The following SARS1 variants were observed in gnomAD, a reference collection of about 807,000 sequenced individuals.
The protein encoded by SARS1 is serine--tRNA ligase, cytoplasmic.
SARS1 carries 25 observed loss-of-function variants against 63.7 expected under a neutral mutation model. The observed-to-expected ratio is 0.39, with a 90% CI of 0.29 to 0.55. The LOEUF is 0.55. SARS1 is among the 20% of genes least tolerant of loss of function. SARS1 has a pLI of 0.62. For synonymous variants in SARS1, 231 were observed against 243.5 expected (o/e 0.95, Z 0.48); for missense variants, 417 against 649.7 (o/e 0.64, Z 3.89).
intron 6 of SARS1, among the ~76,000 whole-genome samples, chr1:109,233,862 A>ATCTTTT (rs1655256054): frequency 1.5e-5 from 1 of 65,968 alleles, no homozygotes; most frequent in Non-Finnish European, 2.7e-5. Flanking sequence ...CACCTGGCTA[A>ATCTTTT]TTTTTTTTTT....
intron 1 of SARS1, chr1:109,216,471 C>T: frequency 1.0e-6 from 1 of 985,258 alleles, no homozygotes; most frequent in Non-Finnish European, 1.2e-6. Context: ...CGTAATGATC[C>T]TACACTTGGG....
chr1:109,218,406 C>CTTT (rs34756917), intron 1 of SARS1, among the ~76,000 whole-genome samples: 6 of 118,660 alleles, frequency 5.1e-5, no homozygotes, highest in South Asian at 5.4e-4. Flanking sequence ...AGATATTTTA[C>CTTT]TTTTTTTTTT....
intron 1 of SARS1, chr1:109,216,227 C>G: frequency 1.0e-6 from 1 of 985,360 alleles, no homozygotes; most frequent in Non-Finnish European, 1.2e-6. Flanking sequence ...ATAACCAGAG[C>G]CACATTAAGA....
chr1:109,226,869 G>A (rs1386379825), intron 2 of SARS1, among the ~76,000 whole-genome samples: 3 of 150,718 alleles, frequency 2.0e-5, no homozygotes, highest in African/African-American at 7.3e-5. Flanking sequence ...ACAGTTGCAA[G>A]CCACTGTACC....
rs376681816 is a variant in SARS1, at chr1:109,236,739, A to G, written c.1257+191A>G. 28 of 1,535,506 alleles carry G rather than the reference A, an allele frequency of 1.8e-5. No individual in the cohort carries two copies. The East Asian group carries it at 3.8e-4, about 21-fold the overall frequency. ...TGAGTTCTTTTAGCTAGAAACCTGA[A>G]TCTAGCTCTCTTCTATAAGGTAATT... On this transcript the variant is annotated intron_variant, in intron 9 of 10. Coordinates refer to ENST00000234677, the MANE Select transcript of SARS1 (RefSeq NM_006513.4).
At chr1:109,229,383 C>G in intron 3 of SARS1, 31 bp from the exon 4 acceptor site, 1 of 1,608,942 alleles carries the variant, frequency 6.2e-7, no homozygotes, top group Non-Finnish European at 8.5e-7. Context: ...CCTCACTGTC[C>G]TGCTTATGGG....
intron 4 of SARS1, among the ~76,000 whole-genome samples, chr1:109,229,977 T>A (rs1655173789): frequency 6.6e-6 from 1 of 152,218 alleles, no homozygotes; most frequent in Non-Finnish European, 1.5e-5. Context: ...AAAGCTGCTC[T>A]GAGCCCAGCC....
rs142272817 is a variant in SARS1 at position 109,219,262 on chromosome 1, CAT to C, written c.137-4690_137-4689del. On this transcript the variant is annotated intron_variant, in intron 1 of 10. Transcript: ENST00000234677. ...GCCTGGGCGATAGAGCAAGACTCTCCATATATATATATATATATATATATATA... is the reference window on the plus strand; with the variant it reads ...GCCTGGGCGATAGAGCAAGACTCTCCATATATATATATATATATATATATA... 1.2e-3 allele frequency among the ~76,000 whole-genome samples: 90 copies of C among 76,946 alleles called. 3 individuals carry two copies. The highest frequency in any genetic ancestry group is 1.9e-3 in the Non-Finnish European group (67 of 35,722). 50.5% of individuals were successfully genotyped at this position (76,946 alleles called of 152,430 possible). A position where few individuals can be genotyped will look rare whatever the true frequency, so the allele number is the denominator to read the frequency against.
At position 109,217,537 on chromosome 1, in the gene SARS1, T is replaced by TTA. The variant is rs536360432; in HGVS notation, c.136+3420_136+3421dup. On this transcript the variant is annotated intron_variant, in intron 1 of 10. Transcript: ENST00000234677. ...TAACCTAGTCTTGTATACCCAAAAG[T>TTA]TATATATATATAAATATATATATAA... Among the ~76,000 whole-genome samples the TTA allele has an allele frequency of 1.4e-3, 206 of 149,080 alleles. 1 individual carries two copies. Among genetic ancestry groups the TTA allele is most frequent in the South Asian group, 5.0e-3 (24 of 4,762 alleles).
chr1:109,230,139 G>T (rs1258249224), intron 4 of SARS1, among the ~76,000 whole-genome samples: 3 of 151,776 alleles, frequency 2.0e-5, no homozygotes, highest in Admixed American at 6.6e-5. Flanking sequence ...CCCTGAGTCC[G>T]CCCTCATGTG....
chr1:109,235,379 G>C lies in SARS1; in HGVS notation c.917G>C (p.Gly306Ala), dbSNP rs1655287693. 6.2e-7 allele frequency: 1 copy of C among 1,613,852 alleles called. No individual in the cohort carries two copies. Among genetic ancestry groups the C allele is most frequent in the Admixed American group, 1.7e-5 (1 of 60,004 alleles). The change falls in exon 7 of 11, where the codon GGC (glycine) becomes GCC (alanine). Residue 306 changes from glycine to alanine, a missense_variant. Physicochemically the swap from Gly to Ala is moderately conservative, Grantham distance 60 (BLOSUM62 0). Coordinates refer to ENST00000234677, the MANE Select transcript of SARS1 (RefSeq NM_006513.4). This position sits in a 1 kb window ranked among gnomAD's most constrained non-coding sequence, Gnocchi z 4.7. ...TCTACCTGCTTCCGTCAGGAGGTGG[G>C]CTCCCATGGCCGTGACACCCGTGGC... ...GLSTCFRQEV[G>A]SHGRDTRGIF...
rs1010792291 is a variant in SARS1 at position 109,214,586 on chromosome 1, A to G, written c.136+458A>G. On this transcript the variant is annotated intron_variant, in intron 1 of 10. Transcript: ENST00000234677. The surrounding 1 kb of genome is among the most constrained non-coding windows in gnomAD (Gnocchi z 4.6). ...CCTGAGACTGCGTCACTTCTGCAAC[A>G]CAGTAGATTCATTCCTTCGGTATCG... 3 of 986,866 alleles carry G rather than the reference A, an allele frequency of 3.0e-6. No homozygotes were observed. The highest frequency in any genetic ancestry group is 3.6e-6 in the Non-Finnish European group (3 of 830,870). 61.1% of individuals were successfully genotyped at this position (986,866 alleles called of 1,614,324 possible). A position where few individuals can be genotyped will look rare whatever the true frequency, so the allele number is the denominator to read the frequency against.
intron 6 of SARS1, among the ~76,000 whole-genome samples, chr1:109,232,533 T>G (rs1557719046): frequency 6.6e-6 from 1 of 152,240 alleles, no homozygotes; most frequent in Non-Finnish European, 1.5e-5. Flanking sequence ...AGACAACTGC[T>G]GTTGGACTCA....
At chr1:109,223,418 TTA>T (rs1208880202) in intron 1 of SARS1, among the ~76,000 whole-genome samples, 1 of 152,232 alleles carries the variant, frequency 6.6e-6, no homozygotes, top group Non-Finnish European at 1.5e-5. Flanking sequence ...TTCATACAGG[TTA>T]TGATACTTTT....
At position 109,235,047 on chromosome 1, in the gene SARS1, G is replaced by C. The variant is rs1392912046; in HGVS notation, c.748-163G>C. 1.3e-5 allele frequency among the ~76,000 whole-genome samples: 2 copies of C among 152,126 alleles called. No individual in the cohort carries two copies. Among genetic ancestry groups the C allele is most frequent in the Non-Finnish European group, 1.5e-5 (1 of 67,998 alleles). On this transcript the variant is annotated intron_variant, in intron 6 of 10. Coordinates refer to ENST00000234677, the MANE Select transcript of SARS1 (RefSeq NM_006513.4). This position sits in a 1 kb window ranked among gnomAD's most constrained non-coding sequence, Gnocchi z 4.7. The stretch of plus-strand genomic sequence containing the variant: ...GATCTCTGTCAGGGACCCCATTTTG[G>C]ACTGACCCATTCCTTTATCTTTTTA...
chr1:109,224,106 C>T (rs1655015638), intron 2 of SARS1, 58 bp downstream of exon 2: 2 of 1,280,160 alleles, frequency 1.6e-6, no homozygotes, highest in Non-Finnish European at 2.3e-6. Context: ...TTTGATCTTG[C>T]TCTTAGCTAA....
intron 3 of SARS1, 72 bp from the exon 4 acceptor site, chr1:109,229,342 G>T: frequency 2.0e-6 from 3 of 1,507,220 alleles, no homozygotes; most frequent in Non-Finnish European, 2.7e-6. Context: ...CAGGGTTAGG[G>T]CAACCGAATC....
chr1:109,224,375 G>A (rs1046066669), intron 2 of SARS1, among the ~76,000 whole-genome samples: 12 of 152,088 alleles, frequency 7.9e-5, no homozygotes, highest in East Asian at 1.9e-4. Context: ...TCGTCTCAGC[G>A]TAGTTATGCT....
intron 1 of SARS1, among the ~76,000 whole-genome samples, chr1:109,219,244 C>T (rs1459195638): frequency 3.7e-5 from 3 of 80,400 alleles, no homozygotes; most frequent in Non-Finnish European, 8.0e-5. Context: ...CCAGCCTGGG[C>T]GATAGAGCAA....
Sources: gnomAD v4.1 joint callset for allele counts (sites outside exome capture counted in the v4.1 genomes callset) on GRCh38, gnomAD v4.1.1 for gene constraint, Gnocchi (gnomAD v3.1) non-coding constraint, MANE v1.5 for transcripts, NCBI Gene and HGNC (gene_info 2026-07-23, HGNC 2026-07-21) for gene names.